The following TTC3 variants were observed in gnomAD, a reference collection of about 807,000 sequenced individuals.
TTC3 encodes the protein tetratricopeptide repeat domain 3.
TTC3 carries 180 observed loss-of-function variants against 249.6 expected under a neutral mutation model. That is an observed-to-expected ratio of 0.72 (90% confidence interval 0.64 to 0.82). TTC3 has a LOEUF of 0.82. Among genes scored for constraint, TTC3 ranks in the 40% least tolerant of loss-of-function variants. The pLI, the probability that TTC3 is intolerant of heterozygous loss-of-function variation, is 0.00. For missense variants in TTC3, 2,061 were observed against 2,398.4 expected (o/e 0.86, Z 2.94); for synonymous variants, 717 against 805.0 (o/e 0.89, Z 1.85).
At chr21:37,147,561 A>G in exon 22 of TTC3, 1 of 1,611,932 alleles carries the variant, frequency 6.2e-7, no homozygotes, top group Non-Finnish European at 8.5e-7. Context: ...AGTGCCATGG[A>G]TATTCTAAGA....
rs760045292 is a variant in TTC3, at chr21:37,166,475, AC to A, written c.4262del (p.Thr1421LysfsTer8). 3 of 1,614,106 alleles carry A rather than the reference AC, an allele frequency of 1.9e-6. No individual in the cohort carries two copies. Among genetic ancestry groups the A allele is most frequent in the Admixed American group, 1.7e-5 (1 of 60,006 alleles). On this transcript the variant is annotated frameshift_variant, in exon 33 of 46. Coordinates refer to ENST00000355666, the Ensembl canonical transcript of TTC3. LOFTEE classifies it high-confidence loss of function. Reference sequence around the variant, plus strand: ...AATATCTGTAAAGTCACACTGCAGCACAGGTGATGCTCATACAGTCCTGAGT... The same window carrying A: ...AATATCTGTAAAGTCACACTGCAGCAAGGTGATGCTCATACAGTCCTGAGT...
rs776802138 is a variant in TTC3, at chr21:37,148,557, C to T, written c.2028C>T (p.Arg676=). Residue 676 remains arginine (R), a synonymous_variant, in exon 23 of 46, where the codon CGC becomes CGT. Transcript: ENST00000355666. ...TTTTGTAACCCTAGGGTTTTATACG[C>T]ATCAGCTGTTGCCAGTACTGTAAAA... 1.7e-5 allele frequency: 27 copies of T among 1,587,456 alleles called. No homozygotes were observed. In the South Asian group the frequency reaches 3.0e-4, roughly 18 times the overall value.
At chr21:37,122,115 A>C (rs1179407927) in intron 12 of TTC3, 136 bp downstream of exon 12, 1 of 761,934 alleles carries the variant, frequency 1.3e-6, no homozygotes, top group Non-Finnish European at 1.9e-6. Flanking sequence ...TATCTTGGTC[A>C]TGGCACTTGA....
intron 11 of TTC3, among the ~76,000 whole-genome samples, chr21:37,110,406 C>G (rs1458145030): frequency 6.6e-6 from 1 of 152,118 alleles, no homozygotes; most frequent in African/African-American, 2.4e-5. Flanking sequence ...AACTATGTGA[C>G]AAATGCACAA....
exon 20 of TTC3, chr21:37,140,661 T>G: frequency 6.2e-7 from 1 of 1,604,866 alleles, no homozygotes; most frequent in Non-Finnish European, 8.5e-7. Flanking sequence ...AAAGTATATT[T>G]GAAAAAAAAC....
chr21:37,096,520 G>A lies in TTC3; in HGVS notation c.783-61G>A, dbSNP rs978977988. On this transcript the variant is annotated intron_variant, in intron 9 of 45. Coordinates refer to ENST00000355666, the Ensembl canonical transcript of TTC3. ...TTTTCTCATGCCTTATGTTTTCTACGTGATTTTTATTTGTTTCATGTGTAA... is the reference window on the plus strand; with the variant it reads ...TTTTCTCATGCCTTATGTTTTCTACATGATTTTTATTTGTTTCATGTGTAA... 55 of 1,326,820 alleles carry A rather than the reference G, an allele frequency of 4.1e-5. No individual in the cohort carries two copies. The Admixed American group carries it at 5.1e-4, about 12-fold the overall frequency. 82.2% of individuals were successfully genotyped at this position (1,326,820 alleles called of 1,614,324 possible).
chr21:37,163,774 T>C (rs1304559447), intron 31 of TTC3, among the ~76,000 whole-genome samples: 4 of 152,242 alleles, frequency 2.6e-5, no homozygotes, highest in Admixed American at 2.6e-4. Flanking sequence ...AATGCAACTT[T>C]TTTTAAAAAT....
At chr21:37,167,140 TCTC>T (rs1012251914) in intron 33 of TTC3, among the ~76,000 whole-genome samples, 13 of 152,082 alleles carry the variant, frequency 8.5e-5, no homozygotes, top group Non-Finnish European at 1.6e-4. Flanking sequence ...AGGCCCAGCT[TCTC>T]CTGTCAAACC....
chr21:37,121,939 G>T (rs765095968), exon 12 of TTC3: 1 of 1,611,774 alleles, frequency 6.2e-7, no homozygotes, highest in Non-Finnish European at 8.5e-7. Context: ...ATCTAATTCA[G>T]CAGCATGTAA....
At chr21:37,082,349 T>C (rs2071811639) in intron 1 of TTC3, 1 of 335,772 alleles carries the variant, frequency 3.0e-6, no homozygotes, top group African/African-American at 2.2e-5. Context: ...TTGTTTTTTT[T>C]TCTGTTGTCT....
intron 27 of TTC3, 40 bp downstream of exon 27, chr21:37,153,317 G>T (rs199570527): frequency 3.3e-6 from 5 of 1,533,708 alleles, no homozygotes; most frequent in Non-Finnish European, 3.5e-6. Flanking sequence ...ACTTTAATAC[G>T]AAGGGGAAGT....
At chr21:37,123,929 G>A (rs114197496) in intron 13 of TTC3, among the ~76,000 whole-genome samples, 1,937 of 150,658 alleles carry the variant, frequency 0.013, 38 homozygotes, top group African/African-American at 0.044. Context: ...TTGAATTTTT[G>A]GTAGAGATGA....
chr21:37,081,534 G>A (rs2071660942), intron 1 of TTC3: 1 of 152,006 alleles, frequency 6.6e-6, no homozygotes, highest in South Asian at 2.1e-4. Flanking sequence ...ATCCTATTTT[G>A]GATGCATGTG....
At position 37,152,971 on chromosome 21, in the gene TTC3, C is replaced by T. The variant is rs777802326; in HGVS notation, c.2434C>T (p.Arg812Cys). The T allele has an allele frequency of 7.5e-6, 12 of 1,603,094 alleles. No homozygotes were observed. In the East Asian group the frequency reaches 1.6e-4, roughly 21 times the overall value. The change falls in exon 27 of 46, where the codon CGT becomes TGT. Residue 812 changes from arginine (R) to cysteine (C), a missense_variant. This residue lies in a region of TTC3 where 989 missense variants were observed against 1,145.1 expected (regional missense o/e 0.86). Transcript: ENST00000355666. Reference sequence around the variant, plus strand: ...CTTAGAAACTGTAGACAATGTTCAGCGTTGTCAGTTCCTTGATGACAGAAT... The same window carrying T: ...CTTAGAAACTGTAGACAATGTTCAGTGTTGTCAGTTCCTTGATGACAGAAT...
At chr21:37,104,609 A>T (rs2074889118) in intron 10 of TTC3, among the ~76,000 whole-genome samples, 1 of 148,936 alleles carries the variant, frequency 6.7e-6, no homozygotes, top group Non-Finnish European at 1.5e-5. Flanking sequence ...AAAAAAAAAA[A>T]GAAAGAAGTG....
At position 37,079,824 on chromosome 21, in the gene TTC3, G is replaced by A. The variant is rs1025167205; in HGVS notation, c.-12+6460G>A. Among the ~76,000 whole-genome samples the A allele has an allele frequency of 6.6e-5, 10 of 151,940 alleles. No individual in the cohort carries two copies. The South Asian group carries it at 1.0e-3, about 16-fold the overall frequency. On this transcript the variant is annotated intron_variant, in intron 1 of 45. Coordinates refer to ENST00000355666, the Ensembl canonical transcript of TTC3. ...GCTAGGATTACAGGTGTGAGCCACC[G>A]CTCGTGGTATGGCATTAATTCTCTT... is the stretch of plus-strand genomic sequence containing the variant.
In TTC3 at chr21:37,168,021, C is replaced by T. The variant is rs568506515; in HGVS notation, c.4467+401C>T. ...GCGAATAATACAGAAAGATAAAGAC[C>T]TTCTCTACTATAATAATGATTCAAT... is the stretch of plus-strand genomic sequence containing the variant. On this transcript the variant is annotated intron_variant, in intron 34 of 45. Transcript: ENST00000355666. Among the ~76,000 whole-genome samples the T allele has an allele frequency of 1.1e-3, 166 of 152,046 alleles. 1 individual carries two copies. The highest frequency in any genetic ancestry group is 3.6e-3 in the African/African-American group (150 of 41,512).
intron 35 of TTC3, among the ~76,000 whole-genome samples, chr21:37,178,608 G>T (rs1447005182): frequency 1.3e-5 from 2 of 152,138 alleles, no homozygotes. Flanking sequence ...TTGGAGGAAT[G>T]TCTACTCAGA....
chr21:37,082,031 A>AT (rs2071756349), intron 1 of TTC3: 2 of 150,762 alleles, frequency 1.3e-5, no homozygotes, highest in Admixed American at 1.3e-4. Flanking sequence ...CGCCCGGCTA[A>AT]TTTTTTTGTA....
Sources: allele counts gnomAD v4.1 joint callset (sites outside exome capture counted in the v4.1 genomes callset), GRCh38; gene constraint gnomAD v4.1.1; regional missense constraint gnomAD v4.1.1; transcripts MANE v1.5; gene names NCBI Gene and HGNC (gene_info 2026-07-23, HGNC 2026-07-21).